NLRP5: variants seen among roughly 807,000 people sequenced by gnomAD.
NLRP5 encodes the protein NACHT, LRR and PYD domains-containing protein 5.
A neutral mutation model predicts 113.1 loss-of-function variants in NLRP5; 93 were observed. The observed-to-expected ratio is 0.82, with a 90% CI of 0.70 to 0.98. NLRP5 has a LOEUF of 0.98. Among genes scored for constraint, NLRP5 ranks in the 50% least tolerant of loss-of-function variants. NLRP5 has a pLI of 0.00. For synonymous variants in NLRP5, 751 were observed against 600.7 expected (o/e 1.25, Z -3.66); for missense variants, 1,808 against 1,514.3 (o/e 1.19, Z -3.22).
chr19:56,008,744 A>G, intron 2 of NLRP5, 44 bp from the exon 3 acceptor site: 1 of 1,535,312 alleles, frequency 6.5e-7, no homozygotes, highest in Non-Finnish European at 8.9e-7. Flanking sequence ...GGGTAATTAC[A>G]GTGACTTCAT....
chr19:55,998,658 ATG>A (rs145042875), upstream of NLRP5, among the ~76,000 whole-genome samples: 2 of 44,684 alleles, frequency 4.5e-5, no homozygotes, highest in Non-Finnish European at 3.8e-5. Context: ...GTCTCAAAAT[ATG>A]TGTGTGTGTG....
chr19:56,042,410 C>G (rs967261833), intron 11 of NLRP5, among the ~76,000 whole-genome samples: 1 of 152,144 alleles, frequency 6.6e-6, no homozygotes, highest in East Asian at 1.9e-4. Flanking sequence ...ATGGCGCAAT[C>G]TCAGCTCACT....
At chr19:55,996,920 C>A (rs907718660), upstream of NLRP5, among the ~76,000 whole-genome samples, 4 of 152,278 alleles carry the variant, frequency 2.6e-5, no homozygotes, top group Admixed American at 6.5e-5. Flanking sequence ...CACTGACTTC[C>A]ACAATGGTTG....
chr19:56,010,981 A>G (rs1462541337), intron 3 of NLRP5, among the ~76,000 whole-genome samples: 1 of 151,774 alleles, frequency 6.6e-6, no homozygotes, highest in African/African-American at 2.4e-5. Flanking sequence ...GCAAGACCCG[A>G]CGTCTACCAA....
chr19:56,015,680 T>C (rs1568486287), intron 3 of NLRP5, 62 bp from the exon 4 acceptor site: 2 of 1,372,852 alleles, frequency 1.5e-6, no homozygotes, highest in East Asian at 2.6e-5. Context: ...GTGTCCAACA[T>C]CTCTGATTTG....
At chr19:56,033,746 C>T (rs578030038) in intron 9 of NLRP5, 37 bp downstream of exon 9, 43 of 1,538,368 alleles carry the variant, frequency 2.8e-5, no homozygotes, top group South Asian at 4.8e-5. Flanking sequence ...TGTTTTTCTT[C>T]GTTTTTACTT....
chr19:56,028,725 G>C (rs1982978751), intron 7 of NLRP5, among the ~76,000 whole-genome samples: 1 of 152,164 alleles, frequency 6.6e-6, no homozygotes, highest in Non-Finnish European at 1.5e-5. Flanking sequence ...CCCCGCCTAA[G>C]ACTAAAGGAA....
At chr19:56,003,401 G>GC (rs1185659177) in intron 1 of NLRP5, among the ~76,000 whole-genome samples, 2 of 152,282 alleles carry the variant, frequency 1.3e-5, no homozygotes, top group Non-Finnish European at 2.9e-5. Flanking sequence ...TGATCCACCT[G>GC]CCTTGGTCTC....
At chr19:56,022,303 C>T (rs1012755275) in intron 6 of NLRP5, among the ~76,000 whole-genome samples, 9 of 152,078 alleles carry the variant, frequency 5.9e-5, no homozygotes, top group African/African-American at 1.7e-4. Context: ...CACTGCAGCC[C>T]CTAACTCCTG....
intron 2 of NLRP5, among the ~76,000 whole-genome samples, chr19:56,007,913 G>GTGTA (rs1181063563): frequency 7.3e-5 from 2 of 27,416 alleles, no homozygotes; most frequent in East Asian, 2.2e-3. Flanking sequence ...GCGTGTGTGT[G>GTGTA]TGTGTGTGTG....
intron 13 of NLRP5, 63 bp from the exon 14 acceptor site, chr19:56,058,177 G>T: frequency 8.2e-7 from 1 of 1,212,590 alleles, no homozygotes; most frequent in Non-Finnish European, 1.1e-6. Context: ...AAATTCATAC[G>T]GGTTGAATGA....
intron 5 of NLRP5, 54 bp downstream of exon 5, chr19:56,019,452 A>C: frequency 3.9e-6 from 6 of 1,537,914 alleles, no homozygotes; most frequent in Non-Finnish European, 5.4e-6. Context: ...AGTTGGGTGA[A>C]AGAAGTGTAA....
intron 13 of NLRP5, among the ~76,000 whole-genome samples, chr19:56,057,854 T>C (rs767736543): frequency 3.9e-5 from 6 of 151,960 alleles, no homozygotes; most frequent in Non-Finnish European, 8.8e-5. Context: ...GATGAAACTC[T>C]GTTTCTACTA....
intron 12 of NLRP5, among the ~76,000 whole-genome samples, chr19:56,052,325 A>G (rs1206979596): frequency 6.6e-6 from 1 of 151,806 alleles, no homozygotes; most frequent in African/African-American, 2.4e-5. Flanking sequence ...CTGGAGTGCA[A>G]TAGCGCAATC....
rs762992855 is a variant in NLRP5 at position 56,032,607 on chromosome 19, A to G, written c.2277-4A>G. ...AGCCCATGTTTCTATCCCCCCTGACATAGGATGCGGGATAAGACCCTCATT... is the reference window on the plus strand; with the variant it reads ...AGCCCATGTTTCTATCCCCCCTGACGTAGGATGCGGGATAAGACCCTCATT... On this transcript the variant is annotated splice_region_variant and splice_polypyrimidine_tract_variant and intron_variant, in intron 7 of 14. Coordinates refer to ENST00000390649, the MANE Select transcript of NLRP5 (RefSeq NM_153447.4). 1.2e-6 allele frequency: 2 copies of G among 1,610,458 alleles called. No individual in the cohort carries two copies. The highest frequency in any genetic ancestry group is 1.1e-5 in the South Asian group (1 of 90,394).
chr19:56,042,756 T>G (rs976774473), intron 11 of NLRP5, among the ~76,000 whole-genome samples: 2 of 152,212 alleles, frequency 1.3e-5, no homozygotes, highest in Non-Finnish European at 2.9e-5. Context: ...CTCCCTCCCA[T>G]TCTTCCCCCA....
chr19:56,059,520 T>C (rs1360268909), intron 14 of NLRP5, among the ~76,000 whole-genome samples: 5 of 152,084 alleles, frequency 3.3e-5, no homozygotes, highest in African/African-American at 1.2e-4. Flanking sequence ...TGAGGTTGGT[T>C]GTGGTATATT....
At chr19:55,998,702 A>ATGTG (rs144186734), upstream of NLRP5, among the ~76,000 whole-genome samples, 2 of 73,772 alleles carry the variant, frequency 2.7e-5, no homozygotes, top group Non-Finnish European at 5.0e-5. Flanking sequence ...ATATATATAT[A>ATGTG]TGTGTGTGTG....
At chr19:56,013,596 G>GTTTTTTTTTTGTTTTT (rs1982288056) in intron 3 of NLRP5, among the ~76,000 whole-genome samples, 1 of 59,284 alleles carries the variant, frequency 1.7e-5, no homozygotes, top group African/African-American at 8.7e-5. Context: ...GGACATTTGG[G>GTTTTTTTTTTGTTTTT]TTTTTTTTTT....
Sources: allele counts gnomAD v4.1 joint callset (sites outside exome capture counted in the v4.1 genomes callset), GRCh38; gene constraint gnomAD v4.1.1; transcripts MANE v1.5; gene names NCBI Gene and HGNC (gene_info 2026-07-23, HGNC 2026-07-21).